Variants in CSMD1 observed in about 807,000 individuals in gnomAD.
CSMD1 encodes CUB and sushi domain-containing protein 1.
Under a neutral mutation model 417.5 loss-of-function variants are expected in CSMD1, and 213 were observed. That is an observed-to-expected ratio of 0.51 (90% CI 0.46 to 0.57). The LOEUF (loss-of-function observed/expected upper bound fraction) is 0.57. CSMD1 is among the 20% of genes least tolerant of loss of function. CSMD1 has a pLI of 0.00. For missense variants in CSMD1, 6,923 were observed against 4,529.7 expected, an observed-to-expected ratio of 1.53 and a Z score of -15.17; for synonymous variants, 2,862 against 1,736.8, an observed-to-expected ratio of 1.65 and a Z score of -16.11.
intron 7 of CSMD1, among the ~76,000 whole-genome samples, chr8:3,626,963 G>A (rs1480233474): frequency 1.3e-5 from 2 of 151,636 alleles, no homozygotes; most frequent in East Asian, 1.9e-4. Flanking sequence ...GTTATACAGT[G>A]TTTAGTATTT....
At chr8:3,726,578 G>A (rs1184969474) in intron 6 of CSMD1, among the ~76,000 whole-genome samples, 1 of 152,146 alleles carries the variant, frequency 6.6e-6, no homozygotes, top group Non-Finnish European at 1.5e-5. Context: ...AGGAGAAGCA[G>A]GAAATCTGGA....
At chr8:4,973,034 G>A (rs1463908332) in intron 1 of CSMD1, among the ~76,000 whole-genome samples, 1 of 152,122 alleles carries the variant, frequency 6.6e-6, no homozygotes, top group African/African-American at 2.4e-5. Context: ...TTTAAAAGAT[G>A]TAGTAAAGAA....
intron 12 of CSMD1, 146 bp downstream of exon 12, chr8:3,468,566 A>T (rs1472694637): frequency 1.0e-5 from 6 of 576,450 alleles, no homozygotes; most frequent in Non-Finnish European, 1.8e-5. Flanking sequence ...GAGTGTTAGT[A>T]GACTTTAAGG....
intron 20 of CSMD1, among the ~76,000 whole-genome samples, chr8:3,363,512 C>CTTATTTATTTAT (rs72391770): frequency 0.022 from 3,254 of 150,748 alleles, 65 homozygotes; most frequent in African/African-American, 0.047. Flanking sequence ...TGTAGAAAGG[C>CTTATTTATTTAT]TTATTTATTT....
rs760507934 is a variant in CSMD1, at chr8:3,354,798, A to ACT, written c.3304+4352_3304+4353dup. ...TTTAGTGATATATATATATCACTAA[A>ACT]CTCTCTCTCTCTCTATATATATCTA... On this transcript the variant is annotated intron_variant, in intron 21 of 69. Coordinates refer to ENST00000635120, the MANE Select transcript of CSMD1 (RefSeq NM_033225.6). Among the ~76,000 whole-genome samples, 434 of 91,810 alleles carry ACT rather than the reference A, an allele frequency of 4.7e-3. 2 individuals carry two copies. Among genetic ancestry groups the ACT allele is most frequent in the East Asian group, 0.023 (69 of 2,962 alleles). The allele number at this position is 91,810 out of a possible 152,430, so 60.2% of individuals were successfully genotyped here. A position where few individuals can be genotyped will look rare whatever the true frequency, so the allele number is the denominator to read the frequency against.
chr8:4,563,062 T>C (rs2130619588), intron 2 of CSMD1, among the ~76,000 whole-genome samples: 1 of 152,282 alleles, frequency 6.6e-6, no homozygotes, highest in African/African-American at 2.4e-5. Flanking sequence ...ACTCCAAATT[T>C]GGGAGATTTC....
intron 3 of CSMD1, among the ~76,000 whole-genome samples, chr8:4,344,763 G>A (rs774412099): frequency 6.6e-6 from 1 of 152,032 alleles, no homozygotes; most frequent in Non-Finnish European, 1.5e-5. Context: ...TTTCACCGTT[G>A]TAGATAAAAA....
intron 2 of CSMD1, among the ~76,000 whole-genome samples, chr8:4,447,886 T>C (rs1400578929): frequency 6.6e-6 from 1 of 152,200 alleles, no homozygotes; most frequent in African/African-American, 2.4e-5. Context: ...GAATGTACAA[T>C]TTTATTGTTC....
In CSMD1 at chr8:4,312,465, G is replaced by GTA. The variant is rs140158264; in HGVS notation, c.415+107486_415+107487dup. Among the ~76,000 whole-genome samples, 609 of 119,200 alleles carry GTA rather than the reference G, an allele frequency of 5.1e-3. 37 individuals carry two copies. Among genetic ancestry groups the GTA allele is most frequent in the African/African-American group, 5.3e-3 (129 of 24,200 alleles). The allele number at this position is 119,200 out of a possible 152,430, so 78.2% of individuals were successfully genotyped here. A position where few individuals can be genotyped will look rare whatever the true frequency, so the allele number is the denominator to read the frequency against. ...TATATATATACGTATATATATGCGC[G>GTA]TATATATATATATACACATATAGAA... On this transcript the variant is annotated intron_variant, in intron 3 of 69. Coordinates refer to ENST00000635120, the MANE Select transcript of CSMD1 (RefSeq NM_033225.6).
intron 1 of CSMD1, among the ~76,000 whole-genome samples, chr8:4,930,452 A>G (rs1289100329): frequency 6.6e-6 from 1 of 152,082 alleles, no homozygotes; most frequent in Non-Finnish European, 1.5e-5. Flanking sequence ...AATTTGACAT[A>G]CTGTTAGCTT....
intron 3 of CSMD1, among the ~76,000 whole-genome samples, chr8:4,190,540 A>C (rs1317910558): frequency 1.3e-5 from 1 of 79,374 alleles, no homozygotes; most frequent in Non-Finnish European, 2.8e-5. Context: ...ATACACATAT[A>C]AGCTTTTTTT....
At chr8:3,672,387 C>G (rs931796750) in intron 7 of CSMD1, among the ~76,000 whole-genome samples, 2 of 152,134 alleles carry the variant, frequency 1.3e-5, no homozygotes, top group Admixed American at 1.3e-4. Context: ...CTCTTGCATT[C>G]TCAACCACAG....
intron 12 of CSMD1, among the ~76,000 whole-genome samples, chr8:3,447,739 T>C (rs1371751305): frequency 6.6e-6 from 1 of 152,196 alleles, no homozygotes; most frequent in Non-Finnish European, 1.5e-5. Flanking sequence ...ACAGGTCACT[T>C]GGAGTGGCCA....
chr8:4,045,980 T>C (rs7816680), intron 3 of CSMD1, among the ~76,000 whole-genome samples: 2 of 152,086 alleles, frequency 1.3e-5, no homozygotes, highest in African/African-American at 4.8e-5. Flanking sequence ...TCCTGTGAAG[T>C]GGATATAATT....
chr8:4,485,573 C>A (rs1801333976), intron 2 of CSMD1, among the ~76,000 whole-genome samples: 1 of 152,036 alleles, frequency 6.6e-6, no homozygotes, highest in Non-Finnish European at 1.5e-5. Context: ...TATTTCTTGC[C>A]ACTTCTATCC....
At chr8:3,418,104 C>G (rs1447529262) in intron 12 of CSMD1, among the ~76,000 whole-genome samples, 2 of 152,168 alleles carry the variant, frequency 1.3e-5, no homozygotes, top group Non-Finnish European at 2.9e-5. Flanking sequence ...ACCATGTTTG[C>G]TTTTCATACA....
At chr8:4,504,590 C>G (rs146694066) in intron 2 of CSMD1, among the ~76,000 whole-genome samples, 283 of 152,198 alleles carry the variant, frequency 1.9e-3, no homozygotes, top group Non-Finnish European at 3.2e-3. Flanking sequence ...GGTTTTAAGC[C>G]TCGCATGCAT....
Position 2,974,433 on chromosome 8 carries a change from C to T in CSMD1, c.8740+18G>A. 3 of 1,517,320 alleles carry T rather than the reference C, an allele frequency of 2.0e-6. No homozygotes were observed. Among genetic ancestry groups the T allele is most frequent in the Non-Finnish European group, 2.7e-6 (3 of 1,127,038 alleles). The allele number at this position is 1,517,320 out of a possible 1,614,324, so 94.0% of individuals were successfully genotyped here. ...TTTGAAATCTGTAATTCTGTCAGTT[C>T]ACTCGTAAGCCCCTCACCTGTGCAG... On this transcript the variant is annotated intron_variant, in intron 56 of 69. Transcript: ENST00000635120.
chr8:3,438,758 C>G (rs2117050140), intron 12 of CSMD1, among the ~76,000 whole-genome samples: 1 of 152,216 alleles, frequency 6.6e-6, no homozygotes, highest in East Asian at 1.9e-4. Context: ...GCCTTCACTT[C>G]TCTGAGATAA....
Sources: gnomAD v4.1 joint callset for allele counts (sites outside exome capture counted in the v4.1 genomes callset) on GRCh38, gnomAD v4.1.1 for gene constraint, MANE v1.5 for transcripts, NCBI Gene and HGNC (gene_info 2026-07-23, HGNC 2026-07-21) for gene names.